The following MC2R variants were observed in gnomAD, a reference collection of about 807,000 sequenced individuals.
MC2R encodes melanocortin 2 receptor, also known as adrenocorticotropic hormone receptor.
MC2R carries 9 observed loss-of-function variants against 9.8 expected under a neutral mutation model. The observed-to-expected ratio is 0.92, with a 90% CI of 0.55 to 1.60. MC2R has a LOEUF of 1.60. MC2R is among the 40% of genes most tolerant of loss of function. The probability of loss-of-function intolerance (pLI) is 0.00; values close to 1 mark genes in which losing one functional copy is unlikely to be tolerated. For synonymous variants in MC2R, 185 were observed against 154.7 expected (o/e 1.20, Z -1.45); for missense variants, 370 against 389.0 (o/e 0.95, Z 0.41).
chr18:13,882,184 T>C lies in MC2R; in HGVS notation c.*2441A>G, dbSNP rs953986534. On this transcript the variant is annotated 3_prime_UTR_variant, in exon 2 of 2. Transcript: ENST00000327606. ...CAGTATCCACACAGCAGTTTAAAAA[T>C]TGGGTAATTTGATAAAAGAATTAAG... is the stretch of plus-strand genomic sequence containing the variant. 1 of 152,066 alleles carries C rather than the reference T, an allele frequency of 6.6e-6. No individual in the cohort carries two copies. The highest frequency in any genetic ancestry group is 2.4e-5 in the African/African-American group (1 of 41,318). 9.4% of individuals were successfully genotyped at this position (152,066 alleles called of 1,614,324 possible).
chr18:13,900,211 A>G (rs1294975933), intron 1 of MC2R, among the ~76,000 whole-genome samples: 2 of 152,142 alleles, frequency 1.3e-5, no homozygotes, highest in African/African-American at 2.4e-5. Context: ...GGGTTATAAG[A>G]TAGTATTTGC....
intron 1 of MC2R, among the ~76,000 whole-genome samples, chr18:13,902,219 C>CA (rs1567901225): frequency 6.6e-6 from 1 of 151,870 alleles, no homozygotes; most frequent in East Asian, 1.9e-4. Context: ...ATAAAACCAT[C>CA]AAAAAAACTG....
chr18:13,899,384 G>T (rs2045365419), intron 1 of MC2R, among the ~76,000 whole-genome samples: 1 of 152,234 alleles, frequency 6.6e-6, no homozygotes. Flanking sequence ...AGCCTCAAAA[G>T]AGCAAATCTA....
chr18:13,884,217 C>T lies in MC2R; in HGVS notation c.*408G>A. On this transcript the variant is annotated 3_prime_UTR_variant, in exon 2 of 2. Transcript: ENST00000327606. ...TGGCCTCCACCTGGAAAGGCCACCT[C>T]AGAACTGGCTTGTTAGATGTCCACA... 1 of 278,060 alleles carries T rather than the reference C, an allele frequency of 3.6e-6. No individual in the cohort carries two copies. The highest frequency in any genetic ancestry group is 7.0e-6 in the Non-Finnish European group (1 of 143,458). The allele number at this position is 278,060 out of a possible 1,614,324, so 17.2% of individuals were successfully genotyped here. A position where few individuals can be genotyped will look rare whatever the true frequency, so the allele number is the denominator to read the frequency against.
At chr18:13,894,374 G>C (rs567141589) in intron 1 of MC2R, among the ~76,000 whole-genome samples, 2 of 152,174 alleles carry the variant, frequency 1.3e-5, no homozygotes, top group East Asian at 3.9e-4. Flanking sequence ...TTTTGCTTTG[G>C]TCTAAGAGAA....
At chr18:13,911,218 A>G (rs1320183579) in intron 1 of MC2R, among the ~76,000 whole-genome samples, 1 of 152,156 alleles carries the variant, frequency 6.6e-6, no homozygotes, top group Non-Finnish European at 1.5e-5. Flanking sequence ...AGCCGAGAGC[A>G]GGGGCCGGAG....
chr18:13,897,547 G>A (rs961989483), intron 1 of MC2R, among the ~76,000 whole-genome samples: 1 of 152,124 alleles, frequency 6.6e-6, no homozygotes, highest in Admixed American at 6.5e-5. Context: ...GGCTAAGGGA[G>A]TGCTGGCATC....
At position 13,885,294 on chromosome 18, in the gene MC2R, T is replaced by G. The variant is rs1228847195; in HGVS notation, c.225A>C (p.Leu75=). The G allele has an allele frequency of 6.2e-7, 1 of 1,614,212 alleles. No homozygotes were observed. The highest frequency in any genetic ancestry group is 8.5e-7 in the Non-Finnish European group (1 of 1,180,024). ...TCAGGATATTTTCCAAGATCTTATA[T>G]AGGCTGCCCAGCATATCAGATATGG... ...SLAISDMLGS[L]YKILENILII... is the part of the protein sequence containing the mutation. Residue 75 remains leucine, a synonymous_variant, in exon 2 of 2, where the codon CTA becomes CTC. Coordinates refer to ENST00000327606, the MANE Select transcript of MC2R (RefSeq NM_000529.2).
chr18:13,896,270 A>G (rs1334778024), intron 1 of MC2R, among the ~76,000 whole-genome samples: 1 of 152,212 alleles, frequency 6.6e-6, no homozygotes, highest in Non-Finnish European at 1.5e-5. Flanking sequence ...CAAATCAAAA[A>G]AGTAGCACAG....
intron 1 of MC2R, among the ~76,000 whole-genome samples, chr18:13,915,089 C>A (rs748202510): frequency 1.3e-4 from 20 of 152,154 alleles, no homozygotes; most frequent in Non-Finnish European, 2.8e-4. Flanking sequence ...GGCGCTAAAA[C>A]CCCCGCACTC....
chr18:13,890,723 T>C (rs1488668750), intron 1 of MC2R, among the ~76,000 whole-genome samples: 1 of 152,208 alleles, frequency 6.6e-6, no homozygotes, highest in African/African-American at 2.4e-5. Flanking sequence ...TGTGGATATG[T>C]ATGAATAGTA....
intron 1 of MC2R, among the ~76,000 whole-genome samples, chr18:13,891,060 G>A (rs934258228): frequency 2.0e-5 from 3 of 152,224 alleles, no homozygotes; most frequent in Non-Finnish European, 4.4e-5. Flanking sequence ...AGCTGCCCAT[G>A]AATATTGGTG....
intron 1 of MC2R, among the ~76,000 whole-genome samples, chr18:13,897,733 G>A (rs1368279441): frequency 6.6e-6 from 1 of 151,980 alleles, no homozygotes; most frequent in African/African-American, 2.4e-5. Flanking sequence ...TCCATTCCAG[G>A]CCCTAAATCC....
rs1272636872 is a variant in MC2R, at chr18:13,884,814, A to C, written c.705T>G (p.Phe235Leu). 1.9e-6 allele frequency: 3 copies of C among 1,614,020 alleles called. No homozygotes were observed. The highest frequency in any genetic ancestry group is 2.5e-6 in the Non-Finnish European group (3 of 1,180,020). Residue 235 changes from phenylalanine to leucine, a missense_variant, in exon 2 of 2, where the codon TTT (phenylalanine) becomes TTG (leucine). Coordinates refer to ENST00000327606, the MANE Select transcript of MC2R (RefSeq NM_000529.2). ...LGVFIFCWAP[F>L]VLHVLLMTFC... ...ATGTCATCAAGAGGACATGAAGCACAAAGGGGGCCCAGCAGAAGATGAAGA... is the reference window on the plus strand; with the variant it reads ...ATGTCATCAAGAGGACATGAAGCACCAAGGGGGCCCAGCAGAAGATGAAGA...
chr18:13,907,409 T>C (rs2149142991), intron 1 of MC2R, among the ~76,000 whole-genome samples: 1 of 152,292 alleles, frequency 6.6e-6, no homozygotes, highest in East Asian at 1.9e-4. Flanking sequence ...GACCCGAAAC[T>C]ATGAAACTAC....
intron 1 of MC2R, among the ~76,000 whole-genome samples, chr18:13,886,216 T>C (rs967521188): frequency 6.6e-6 from 1 of 152,226 alleles, no homozygotes; most frequent in African/African-American, 2.4e-5. Context: ...CCCTTACATT[T>C]ATAAAAATAT....
intron 1 of MC2R, among the ~76,000 whole-genome samples, chr18:13,890,525 C>T (rs2045309775): frequency 6.6e-6 from 1 of 152,106 alleles, no homozygotes; most frequent in African/African-American, 2.4e-5. Context: ...TGTCACGCGG[C>T]TGGGGCTGAT....
intron 1 of MC2R, among the ~76,000 whole-genome samples, chr18:13,887,334 GAAGCC>G (rs2045282876): frequency 8.8e-6 from 1 of 113,938 alleles, no homozygotes; most frequent in Non-Finnish European, 2.0e-5. Flanking sequence ...GATGGCAGGG[GAAGCC>G]TGTGTGCTGT....
intron 1 of MC2R, among the ~76,000 whole-genome samples, chr18:13,911,492 G>A (rs1042752313): frequency 1.3e-5 from 2 of 152,218 alleles, no homozygotes; most frequent in Non-Finnish European, 2.9e-5. Flanking sequence ...TCTCCCAGAT[G>A]AAGGCTTTAA....
Sources: allele counts gnomAD v4.1 joint callset (sites outside exome capture counted in the v4.1 genomes callset), GRCh38; gene constraint gnomAD v4.1.1; transcripts MANE v1.5; gene names NCBI Gene and HGNC (gene_info 2026-07-23, HGNC 2026-07-21).